CES5A: variants seen among roughly 807,000 people sequenced by gnomAD.
The protein encoded by CES5A is carboxylesterase 5A, also known as carboxylesterase 5.
A neutral mutation model predicts 62.9 loss-of-function variants in CES5A; 67 were observed. The observed-to-expected ratio is 1.07, with a 90% CI of 0.88 to 1.31. CES5A has a LOEUF of 1.31. CES5A is among the 50% of genes most tolerant of loss of function. The probability of loss-of-function intolerance (pLI) is 0.00; values close to 1 mark genes in which losing one functional copy is unlikely to be tolerated. For missense variants in CES5A, 748 were observed against 708.5 expected, an observed-to-expected ratio of 1.06 and a Z score of -0.63; for synonymous variants, 296 against 280.8, an observed-to-expected ratio of 1.05 and a Z score of -0.54.
intron 8 of CES5A, among the ~76,000 whole-genome samples, chr16:55,859,040 G>A (rs1567326484): frequency 6.6e-6 from 1 of 152,154 alleles, no homozygotes; most frequent in African/African-American, 2.4e-5. Flanking sequence ...AAGCTCATAT[G>A]CTCAGTTTTT....
At chr16:55,915,364 C>G (rs1241825348) in intron 1 of CES5A, among the ~76,000 whole-genome samples, 1 of 150,266 alleles carries the variant, frequency 6.7e-6, no homozygotes, top group Non-Finnish European at 1.5e-5. Context: ...GCCAGGGAAG[C>G]GGGAGGAAAA....
chr16:55,892,368 A>G (rs1251418772), intron 1 of CES5A, among the ~76,000 whole-genome samples: 2 of 152,172 alleles, frequency 1.3e-5, no homozygotes, highest in Admixed American at 1.3e-4. Flanking sequence ...CATAAAACCA[A>G]GCTGCACCCC....
upstream of CES5A, among the ~76,000 whole-genome samples, chr16:55,877,984 CA>C (rs1322600028): frequency 6.6e-6 from 1 of 152,126 alleles, no homozygotes; most frequent in African/African-American, 2.4e-5. Flanking sequence ...AAAAATTACT[CA>C]ATCTTCTAGA....
intron 1 of CES5A, among the ~76,000 whole-genome samples, chr16:55,912,036 T>C (rs1048353260): frequency 1.3e-5 from 2 of 152,346 alleles, no homozygotes; most frequent in East Asian, 3.9e-4. Context: ...CCTTGTTACC[T>C]GTGCAGCATC....
intron 4 of CES5A, among the ~76,000 whole-genome samples, chr16:55,866,529 T>C (rs2033464060): frequency 6.6e-6 from 1 of 151,438 alleles, no homozygotes; most frequent in Admixed American, 6.6e-5. Context: ...GTAGTCACAA[T>C]AACAATTAAC....
chr16:55,918,750 T>G (rs537188160), intron 1 of CES5A, among the ~76,000 whole-genome samples: 9 of 152,298 alleles, frequency 5.9e-5, no homozygotes, highest in Admixed American at 2.0e-4. Context: ...ATTCTCTCCA[T>G]CACATTATAA....
At chr16:55,901,379 T>C (rs2033989147) in intron 1 of CES5A, among the ~76,000 whole-genome samples, 1 of 152,186 alleles carries the variant, frequency 6.6e-6, no homozygotes, top group South Asian at 2.1e-4. Flanking sequence ...ATACAGGCCC[T>C]TTCCCAGAAA....
intron 1 of CES5A, among the ~76,000 whole-genome samples, chr16:55,917,321 A>C (rs2034157039): frequency 6.6e-6 from 1 of 152,246 alleles, no homozygotes; most frequent in Admixed American, 6.5e-5. Context: ...AACAATGAAT[A>C]CTTTTTATGT....
intron 1 of CES5A, among the ~76,000 whole-genome samples, chr16:55,884,838 C>G (rs370732189): frequency 1.3e-5 from 2 of 152,132 alleles, no homozygotes; most frequent in Non-Finnish European, 2.9e-5. Context: ...GTGATCCGCC[C>G]ACCTAGGCCT....
At chr16:55,939,693 C>A (rs796804887) in intron 2 of CES5A, among the ~76,000 whole-genome samples, 6 of 151,970 alleles carry the variant, frequency 3.9e-5, no homozygotes, top group African/African-American at 1.4e-4. Flanking sequence ...TTATGGAATA[C>A]CCTCATCCAA....
At chr16:55,915,012 T>C (rs2034132462) in intron 1 of CES5A, among the ~76,000 whole-genome samples, 1 of 152,024 alleles carries the variant, frequency 6.6e-6, no homozygotes, top group African/African-American at 2.4e-5. Context: ...TGTTTTTTTT[T>C]TTTCTTTTAA....
intron 9 of CES5A, among the ~76,000 whole-genome samples, chr16:55,855,604 G>A (rs1282626620): frequency 6.6e-6 from 1 of 152,214 alleles, no homozygotes; most frequent in Non-Finnish European, 1.5e-5. Context: ...CAGGCTCAGG[G>A]TGGGGGAAAC....
intron 2 of CES5A, among the ~76,000 whole-genome samples, chr16:55,946,615 T>C (rs1001926509): frequency 4.6e-5 from 7 of 152,254 alleles, no homozygotes; most frequent in Admixed American, 3.9e-4. Context: ...GGGAATGTTT[T>C]CTGGAAGAGT....
intron 2 of CES5A, among the ~76,000 whole-genome samples, chr16:55,946,388 C>T (rs1156544655): frequency 2.0e-5 from 3 of 152,134 alleles, no homozygotes; most frequent in Non-Finnish European, 2.9e-5. Context: ...CTGCAAGGCA[C>T]AAAGCCAGCC....
In CES5A at chr16:55,849,685, G is replaced by T; in HGVS notation, c.1362C>A (p.His454Gln). The T allele has an allele frequency of 6.2e-7, 1 of 1,613,988 alleles. No individual in the cohort carries two copies. Among genetic ancestry groups the T allele is most frequent in the Non-Finnish European group, 8.5e-7 (1 of 1,179,906 alleles). ...DTKPAFVKAD[H>Q]ADEVRFVFGG... ...CGAACACAAAGCGGACTTCATCAGCGTGGTCGGCTTTGACAAAAGCTGGCT... is the reference window on the plus strand; with the variant it reads ...CGAACACAAAGCGGACTTCATCAGCTTGGTCGGCTTTGACAAAAGCTGGCT... Residue 454 changes from histidine to glutamine, a missense_variant, in exon 11 of 13, where the codon CAC becomes CAA. His to Gln is a conservative substitution (Grantham distance 24). Coordinates refer to ENST00000290567, the MANE Select transcript of CES5A (RefSeq NM_001143685.2).
intron 9 of CES5A, among the ~76,000 whole-genome samples, chr16:55,854,140 T>C (rs544061503): frequency 2.5e-3 from 383 of 152,276 alleles, no homozygotes; most frequent in South Asian, 0.023. Flanking sequence ...AGGTGAGTCC[T>C]CATAGGACAG....
At chr16:55,914,631 A>C (rs2034126889) in intron 1 of CES5A, among the ~76,000 whole-genome samples, 1 of 152,162 alleles carries the variant, frequency 6.6e-6, no homozygotes, top group African/African-American at 2.4e-5. Context: ...ATGTCTAGGG[A>C]AGGACATGCC....
In CES5A at chr16:55,903,551, A is replaced by G. The variant is rs1380891704; in HGVS notation, c.-256+21772T>C. On this transcript the variant is annotated intron_variant, in intron 1 of 12. Transcript: ENST00000518005. ...TTTTCTCACTTGTAAAAAGGGGATT[A>G]TCATTTTCCCAATCCACAGGGATAT... Among the ~76,000 whole-genome samples, 3 of 152,226 alleles carry G rather than the reference A, an allele frequency of 2.0e-5. No homozygotes were observed. The East Asian group carries it at 5.8e-4, about 29-fold the overall frequency.
chr16:55,940,957 A>T lies in CES5A; in HGVS notation c.160+8828T>A, dbSNP rs182126486. ...TTGACAAAATGCAACAATTCATGATAAAAAAAAAACCTCTCCATAAACTTG... is the reference window on the plus strand; with the variant it reads ...TTGACAAAATGCAACAATTCATGATTAAAAAAAAACCTCTCCATAAACTTG... On this transcript the variant is annotated intron_variant, in intron 2 of 13. Coordinates refer to the CES5A transcript ENST00000521992. 5.6e-3 allele frequency among the ~76,000 whole-genome samples: 811 copies of T among 144,320 alleles called. 8 individuals carry two copies. The highest frequency in any genetic ancestry group is 0.021 in the African/African-American group (770 of 36,414). The allele number at this position is 144,320 out of a possible 152,430, so 94.7% of individuals were successfully genotyped here. A position where few individuals can be genotyped will look rare whatever the true frequency, so the allele number is the denominator to read the frequency against.
Sources: allele counts gnomAD v4.1 joint callset (sites outside exome capture counted in the v4.1 genomes callset), GRCh38; gene constraint gnomAD v4.1.1; transcripts MANE v1.5; gene names NCBI Gene and HGNC (gene_info 2026-07-23, HGNC 2026-07-21).